The following NAP1L1 variants were observed in gnomAD, a reference collection of about 807,000 sequenced individuals.
NAP1L1 encodes the protein nucleosome assembly protein 1 like 1, also known as nucleosome assembly protein 1-like 1.
Under a neutral mutation model 58.9 loss-of-function variants are expected in NAP1L1, and 9 were observed. That is an observed-to-expected ratio of 0.15 (90% CI 0.09 to 0.27). The LOEUF is 0.27. Ranked by LOEUF, NAP1L1 falls within the 10% of genes least tolerant of loss-of-function variation. The pLI is 1.00. For missense variants in NAP1L1, 302 were observed against 458.8 expected (o/e 0.66, Z 3.12); for synonymous variants, 130 against 138.3 (o/e 0.94, Z 0.42).
intron 7 of NAP1L1, 42 bp downstream of exon 7, chr12:76,055,989 GTT>G (rs764926386): frequency 9.3e-5 from 148 of 1,599,330 alleles, no homozygotes; most frequent in Non-Finnish European, 1.2e-4. Flanking sequence ...AACTTCAAAG[GTT>G]TACCCTTCAA....
At chr12:76,083,946 G>A (rs1950506912) in intron 1 of NAP1L1, 2 of 152,342 alleles carry the variant, frequency 1.3e-5, no homozygotes, top group African/African-American at 4.8e-5. Flanking sequence ...CACGTGTGGA[G>A]CGAAGCCGCC....
At chr12:76,061,368 A>G (rs547200250) in intron 4 of NAP1L1, among the ~76,000 whole-genome samples, 1 of 152,302 alleles carries the variant, frequency 6.6e-6, no homozygotes, top group Admixed American at 6.5e-5. Context: ...CTGGTAAGTA[A>G]GAATGTACGA....
At position 76,073,359 on chromosome 12, in the gene NAP1L1, A is replaced by G. The variant is rs779711781; in HGVS notation, c.17+844T>C. Among the ~76,000 whole-genome samples, 21 of 152,234 alleles carry G rather than the reference A, an allele frequency of 1.4e-4. 1 individual carries two copies. The highest frequency in any genetic ancestry group is 2.9e-4 in the Non-Finnish European group (20 of 68,000). On this transcript the variant is annotated intron_variant, in intron 2 of 14. Transcript: ENST00000618691. ...GGCTACTGTAAAATTACACGCAACA[A>G]ACACTGTGTACCTCATCCCATTCTT...
chr12:76,058,480 G>A (rs1354680039), intron 6 of NAP1L1, among the ~76,000 whole-genome samples: 1 of 150,248 alleles, frequency 6.7e-6, no homozygotes, highest in East Asian at 2.0e-4. Context: ...TCGACTTCCC[G>A]AGTTCAAGTG....
chr12:76,068,560 TATATTAA>T (rs1318277656), intron 3 of NAP1L1: 1 of 165,482 alleles, frequency 6.0e-6, no homozygotes, highest in East Asian at 1.8e-4. Context: ...ATGTTCTCCA[TATATTAA>T]ACACTAAACA....
chr12:76,048,332 T>C lies in NAP1L1; in HGVS notation c.*97A>G, dbSNP rs567950702. ...TCCTTTAAAAAAAAATTACCTAGTC[T>C]ACCAAGAAAATACAAAAACATAAGG... On this transcript the variant is annotated 3_prime_UTR_variant, in exon 15 of 15. Coordinates refer to ENST00000618691, the MANE Select transcript of NAP1L1 (RefSeq NM_004537.7). 9.2e-5 allele frequency: 130 copies of C among 1,416,402 alleles called. No individual in the cohort carries two copies. The highest frequency in any genetic ancestry group is 2.6e-4 in the Middle Eastern group (1 of 3,908). 87.7% of individuals were successfully genotyped at this position (1,416,402 alleles called of 1,614,324 possible).
chr12:76,038,540 C>T lies in NAP1L1; in HGVS notation c.*9889G>A, dbSNP rs912565882. On this transcript the variant is annotated 3_prime_UTR_variant, in exon 15 of 15. Coordinates refer to ENST00000618691, the MANE Select transcript of NAP1L1 (RefSeq NM_004537.7). Reference sequence around the variant, plus strand: ...ATATAGCAGTGAGTGTAGACAATTCCTCCCAAAAACATGAGAATAAAGAAG... The same window carrying T: ...ATATAGCAGTGAGTGTAGACAATTCTTCCCAAAAACATGAGAATAAAGAAG... 6.6e-6 allele frequency: 1 copy of T among 152,066 alleles called. No homozygotes were observed. The highest frequency in any genetic ancestry group is 1.5e-5 in the Non-Finnish European group (1 of 68,014). 9.4% of individuals were successfully genotyped at this position (152,066 alleles called of 1,614,324 possible). A position where few individuals can be genotyped will look rare whatever the true frequency, so the allele number is the denominator to read the frequency against.
chr12:76,053,074 A>G lies in NAP1L1; in HGVS notation c.936+17T>C, dbSNP rs767482186. The G allele has an allele frequency of 1.0e-5, 16 of 1,595,534 alleles. No homozygotes were observed. Among genetic ancestry groups the G allele is most frequent in the South Asian group, 3.4e-5 (3 of 89,144 alleles). On this transcript the variant is annotated intron_variant, in intron 11 of 14. Transcript: ENST00000618691. ...ATATACTTAACAATTCAATAAATAT[A>G]TAACAATTCAACTTACCAGATCTCC... is the stretch of plus-strand genomic sequence containing the variant.
rs988769015 is a variant in NAP1L1 at position 76,040,902 on chromosome 12, C to T, written c.*7527G>A. ...ATTGCTTAACATTTTCTCTAGCTTA[C>T]TTTTTACAGTATATAATACACATAA... On this transcript the variant is annotated 3_prime_UTR_variant, in exon 15 of 15. Transcript: ENST00000618691. 2 of 152,192 alleles carry T rather than the reference C, an allele frequency of 1.3e-5. No individual in the cohort carries two copies. Among genetic ancestry groups the T allele is most frequent in the African/African-American group, 2.4e-5 (1 of 41,446 alleles). The allele number at this position is 152,192 out of a possible 1,614,324, so 9.4% of individuals were successfully genotyped here.
intron 2 of NAP1L1, among the ~76,000 whole-genome samples, chr12:76,071,082 G>GT (rs1485351099): frequency 6.6e-6 from 1 of 152,090 alleles, no homozygotes. Context: ...ATATTTTATT[G>GT]TTTTTTACCC....
In NAP1L1 at chr12:76,039,734, A is replaced by G. The variant is rs1164463408; in HGVS notation, c.*8695T>C. ...CACAACTCAACTGTGTCATTGTTAA[A>G]GTTACTTAACTTCCATCCTTATGCA... On this transcript the variant is annotated 3_prime_UTR_variant, in exon 15 of 15. Transcript: ENST00000618691. The G allele has an allele frequency of 6.6e-6, 1 of 152,210 alleles. No homozygotes were observed. The highest frequency in any genetic ancestry group is 1.5e-5 in the Non-Finnish European group (1 of 68,030). 9.4% of individuals were successfully genotyped at this position (152,210 alleles called of 1,614,324 possible).
intron 1 of NAP1L1, among the ~76,000 whole-genome samples, chr12:76,079,602 C>T (rs960605328): frequency 1.3e-5 from 2 of 151,708 alleles, no homozygotes; most frequent in Non-Finnish European, 2.9e-5. Flanking sequence ...AAAAAGGTCA[C>T]TTTATAATAA....
chr12:76,049,528 G>A (rs751683504), intron 13 of NAP1L1: 1 of 1,535,202 alleles, frequency 6.5e-7, no homozygotes, highest in Non-Finnish European at 8.7e-7. Context: ...TGATAACCCT[G>A]CAGCAGAACA....
chr12:76,056,246 A>G (rs1949079385), intron 6 of NAP1L1, 85 bp from the exon 7 acceptor site: 5 of 1,348,722 alleles, frequency 3.7e-6, no homozygotes, highest in Non-Finnish European at 4.0e-6. Context: ...CAAAAAGCAC[A>G]GTCACCAGAT....
chr12:76,063,685 T>G (rs993826782), intron 4 of NAP1L1, among the ~76,000 whole-genome samples: 1 of 151,992 alleles, frequency 6.6e-6, no homozygotes, highest in African/African-American at 2.4e-5. Context: ...TAGTCCCAGC[T>G]ACTTGGGAGG....
intron 11 of NAP1L1, among the ~76,000 whole-genome samples, chr12:76,052,536 T>C (rs1359012389): frequency 6.6e-6 from 1 of 152,194 alleles, no homozygotes; most frequent in Non-Finnish European, 1.5e-5. Context: ...ATTTAAACTA[T>C]CTCAGTTAAT....
chr12:76,047,845 T>C lies in NAP1L1; in HGVS notation c.*584A>G, dbSNP rs573283128. ...GTACCAGTAACTATACTGAGTCAGGTTACTTTACAGTTAACTATGTCACCT... is the reference window on the plus strand; with the variant it reads ...GTACCAGTAACTATACTGAGTCAGGCTACTTTACAGTTAACTATGTCACCT... On this transcript the variant is annotated 3_prime_UTR_variant, in exon 15 of 15. Transcript: ENST00000618691. 4 of 152,412 alleles carry C rather than the reference T, an allele frequency of 2.6e-5. No individual in the cohort carries two copies. In the East Asian group the frequency reaches 7.7e-4, roughly 29 times the overall value. The allele number at this position is 152,412 out of a possible 1,614,324, so 9.4% of individuals were successfully genotyped here.
At chr12:76,071,960 GAA>G (rs59750917) in intron 2 of NAP1L1, among the ~76,000 whole-genome samples, 54 of 144,682 alleles carry the variant, frequency 3.7e-4, no homozygotes, top group East Asian at 2.0e-3. Flanking sequence ...GACTAGCCCA[GAA>G]AAAAAAAAAA....
Position 76,048,407 on chromosome 12 carries a change from T to A in NAP1L1, c.*22A>T. 1 of 1,612,802 alleles carries A rather than the reference T, an allele frequency of 6.2e-7. No homozygotes were observed. On this transcript the variant is annotated 3_prime_UTR_variant, in exon 15 of 15. Transcript: ENST00000618691. ...TAGGCTATTACAGTGCAGGTTATCC[T>A]CAAGGCCACATACATCCTGCTTCAC... is the stretch of plus-strand genomic sequence containing the variant.
Sources: gnomAD v4.1 joint callset for allele counts (sites outside exome capture counted in the v4.1 genomes callset) on GRCh38, gnomAD v4.1.1 for gene constraint, MANE v1.5 for transcripts, NCBI Gene and HGNC (gene_info 2026-07-23, HGNC 2026-07-21) for gene names.